Variants in TPRX1 observed in about 807,000 individuals in gnomAD.
The protein encoded by TPRX1 is tetra-peptide repeat homeobox protein 1.
Under a neutral mutation model 8.1 loss-of-function variants are expected in TPRX1, and 2 were observed. The ratio of observed to expected loss-of-function variants is 0.25; its 90% CI spans 0.10 to 0.78. The LOEUF (loss-of-function observed/expected upper bound fraction) is 0.78. Ranked by LOEUF, TPRX1 falls within the 30% of genes least tolerant of loss-of-function variation. TPRX1 has a pLI of 0.70. For synonymous variants in TPRX1, 257 were observed against 254.1 expected (o/e 1.01, Z -0.11); for missense variants, 517 against 586.9 (o/e 0.88, Z 1.23).
intron 2 of TPRX1, among the ~76,000 whole-genome samples, chr19:47,817,609 C>T (rs544252049): frequency 1.3e-5 from 2 of 152,154 alleles, no homozygotes; most frequent in Non-Finnish European, 2.9e-5. Flanking sequence ...CTTTGGCCCC[C>T]GAGCCCCGCT....
chr19:47,803,398 G>A (rs1599950635), intron 3 of TPRX1, 106 bp downstream of exon 2: 3 of 677,258 alleles, frequency 4.4e-6, no homozygotes, highest in East Asian at 2.7e-5. Flanking sequence ...GACCCCTTGC[G>A]TGGCAGGGCG....
chr19:47,801,478 C>T, exon 4 of TPRX1: 1 of 307,762 alleles, frequency 3.2e-6, no homozygotes, highest in African/African-American at 2.2e-5. Context: ...AGATGCTGAC[C>T]ATCAGAAGCC....
At chr19:47,805,953 G>C (rs1318174755) in intron 2 of TPRX1, among the ~76,000 whole-genome samples, 1 of 152,188 alleles carries the variant, frequency 6.6e-6, no homozygotes, top group African/African-American at 2.4e-5. Context: ...GGCCAGGCGC[G>C]GTGGCTCACG....
At chr19:47,815,873 T>C (rs1319799597) in intron 2 of TPRX1, among the ~76,000 whole-genome samples, 1 of 151,784 alleles carries the variant, frequency 6.6e-6, no homozygotes, top group Non-Finnish European at 1.5e-5. Flanking sequence ...ATATAGTCAA[T>C]ATCAACAAAA....
intron 2 of TPRX1, among the ~76,000 whole-genome samples, chr19:47,806,208 TGA>T (rs1020539821): frequency 1.7e-5 from 2 of 114,906 alleles, no homozygotes; most frequent in Admixed American, 1.7e-4. Flanking sequence ...GGCAACAGAG[TGA>T]GACTCCATCT....
intron 2 of TPRX1, among the ~76,000 whole-genome samples, chr19:47,812,844 G>A (rs540837640): frequency 1.3e-5 from 2 of 151,944 alleles, no homozygotes; most frequent in East Asian, 1.9e-4. Context: ...GGTGGCTCAC[G>A]CCTGTAATCC....
At chr19:47,815,129 T>C (rs369609339) in intron 2 of TPRX1, among the ~76,000 whole-genome samples, 3 of 101,786 alleles carry the variant, frequency 2.9e-5, no homozygotes, top group Non-Finnish European at 6.3e-5. Flanking sequence ...TATATATATA[T>C]ATATATATAT....
intron 2 of TPRX1, among the ~76,000 whole-genome samples, chr19:47,817,714 T>C (rs1284056316): frequency 6.6e-6 from 1 of 152,050 alleles, no homozygotes; most frequent in African/African-American, 2.4e-5. Context: ...TTGTGACAGC[T>C]TGTCACTGTA....
chr19:47,803,788 C>T (rs942718449), intron 2 of TPRX1, 115 bp from the exon 2 acceptor site: 15 of 510,446 alleles, frequency 2.9e-5, no homozygotes, highest in Non-Finnish European at 4.2e-5. Context: ...GGGGCGGCAC[C>T]GCGGATAGCA....
chr19:47,811,496 C>CTTT (rs34677329), intron 2 of TPRX1, among the ~76,000 whole-genome samples: 13 of 118,520 alleles, frequency 1.1e-4, no homozygotes, highest in Admixed American at 1.9e-4. Flanking sequence ...TTCATGGCAA[C>CTTT]TTTTTTTTTT....
At chr19:47,811,422 C>G (rs953804664) in intron 2 of TPRX1, among the ~76,000 whole-genome samples, 3 of 151,830 alleles carry the variant, frequency 2.0e-5, no homozygotes, top group African/African-American at 2.4e-5. Flanking sequence ...GTGAGCAGAG[C>G]CTTGTGGGAC....
At chr19:47,815,330 G>C (rs796290154) in intron 2 of TPRX1, among the ~76,000 whole-genome samples, 1 of 143,320 alleles carries the variant, frequency 7.0e-6, no homozygotes, top group East Asian at 2.1e-4. Context: ...AAGTTTTGTA[G>C]TTTTAGTAGA....
At chr19:47,818,694 G>A (rs1189053562) in intron 1 of TPRX1, among the ~76,000 whole-genome samples, 1 of 152,134 alleles carries the variant, frequency 6.6e-6, no homozygotes, top group Non-Finnish European at 1.5e-5. Flanking sequence ...CTGATCCAAG[G>A]ATCCTCCAGT....
intron 2 of TPRX1, among the ~76,000 whole-genome samples, chr19:47,816,192 C>T (rs1042535560): frequency 2.0e-5 from 3 of 151,594 alleles, no homozygotes; most frequent in African/African-American, 7.3e-5. Flanking sequence ...CCTCAGCCTC[C>T]TGAGTAGCTG....
intron 2 of TPRX1, among the ~76,000 whole-genome samples, chr19:47,806,336 T>A (rs1486023537): frequency 6.6e-6 from 1 of 152,058 alleles, no homozygotes; most frequent in Non-Finnish European, 1.5e-5. Flanking sequence ...TTGGTCGACA[T>A]GGTGAAAATC....
chr19:47,801,451 A>G (rs1205239820), exon 4 of TPRX1: 5 of 252,334 alleles, frequency 2.0e-5, no homozygotes, highest in Non-Finnish European at 3.7e-5. Flanking sequence ...AAGTCTCACA[A>G]TCCTAAGTGT....
At chr19:47,802,130 C>G in exon 4 of TPRX1, 1 of 1,582,270 alleles carries the variant, frequency 6.3e-7, no homozygotes, top group Non-Finnish European at 8.6e-7. Context: ...GCCAGGGCTT[C>G]GCATCCGGCC....
chr19:47,813,155 CA>C lies in TPRX1; in HGVS notation c.151+5312del, dbSNP rs1365253417. 3.7e-3 allele frequency among the ~76,000 whole-genome samples: 425 copies of C among 115,186 alleles called. 2 individuals are homozygous for C. Among genetic ancestry groups the C allele is most frequent in the African/African-American group, 0.011 (322 of 30,516 alleles). The allele number at this position is 115,186 out of a possible 152,430, so 75.6% of individuals were successfully genotyped here. ...AATAAATAAATAATAATAAATAAAACAACCCCCCCCACCCCGCCAAAATTAG... is the reference window on the plus strand; with the variant it reads ...AATAAATAAATAATAATAAATAAAACACCCCCCCCACCCCGCCAAAATTAG... On this transcript the variant is annotated intron_variant, in intron 2 of 3. Transcript: ENST00000535759.
At chr19:47,802,196 G>C in exon 4 of TPRX1, 1 of 1,611,866 alleles carries the variant, frequency 6.2e-7, no homozygotes, top group Non-Finnish European at 8.5e-7. Flanking sequence ...GATCTGGGCT[G>C]GGCTGGGAAT....
Sources: gnomAD v4.1 joint callset for allele counts (sites outside exome capture counted in the v4.1 genomes callset) on GRCh38, gnomAD v4.1.1 for gene constraint, MANE v1.5 for transcripts, NCBI Gene and HGNC (gene_info 2026-07-23, HGNC 2026-07-21) for gene names.